The following DROSHA variants were observed in gnomAD, a reference collection of about 807,000 sequenced individuals.
DROSHA encodes the protein ribonuclease 3.
In DROSHA, 56 loss-of-function variants were observed where a neutral mutation model predicts 181.9. The observed-to-expected ratio is 0.31, with a 90% CI of 0.25 to 0.38. DROSHA has a LOEUF of 0.38. Among genes scored for constraint, DROSHA ranks in the 10% least tolerant of loss-of-function variants. The probability of loss-of-function intolerance (pLI) is 1.00; values close to 1 mark genes in which losing one functional copy is unlikely to be tolerated. For missense variants in DROSHA, 1,218 were observed against 1,743.5 expected, an observed-to-expected ratio of 0.70 and a Z score of 5.37; for synonymous variants, 524 against 591.2, an observed-to-expected ratio of 0.89 and a Z score of 1.65.
chr5:31,466,685 A>G (rs1749051150), intron 18 of DROSHA, among the ~76,000 whole-genome samples: 1 of 152,162 alleles, frequency 6.6e-6, no homozygotes, highest in African/African-American at 2.4e-5. Flanking sequence ...CCTTAGGGAG[A>G]CTGTCAGTTG....
chr5:31,418,048 T>A (rs940693661), intron 30 of DROSHA, among the ~76,000 whole-genome samples: 1 of 152,126 alleles, frequency 6.6e-6, no homozygotes, highest in South Asian at 2.1e-4. Context: ...TTAGGATACA[T>A]CCAGGAGACA....
At chr5:31,424,393 T>C (rs561372899) in intron 28 of DROSHA, 34 bp downstream of exon 28, 4 of 1,587,080 alleles carry the variant, frequency 2.5e-6, no homozygotes, top group Non-Finnish European at 1.7e-6. Context: ...GCTGGAGTTA[T>C]AAAGCTCACT....
At chr5:31,492,856 C>T (rs1752573206) in intron 13 of DROSHA, among the ~76,000 whole-genome samples, 1 of 152,240 alleles carries the variant, frequency 6.6e-6, no homozygotes, top group Non-Finnish European at 1.5e-5. Flanking sequence ...AGAGACTAAA[C>T]AATGGCTTCT....
At chr5:31,420,080 GACATCTAA>G (rs1232320159) in intron 30 of DROSHA, among the ~76,000 whole-genome samples, 1 of 152,120 alleles carries the variant, frequency 6.6e-6, no homozygotes, top group African/African-American at 2.4e-5. Context: ...ACTGAAAAAT[GACATCTAA>G]ACAGCCAAGT....
intron 25 of DROSHA, among the ~76,000 whole-genome samples, chr5:31,432,191 G>A (rs1330500906): frequency 1.3e-5 from 2 of 151,846 alleles, no homozygotes; most frequent in East Asian, 1.9e-4. Context: ...GAGTGCAGTG[G>A]TATGATCTTG....
In DROSHA at chr5:31,470,231, A is replaced by C. The variant is rs1206744212; in HGVS notation, c.2241+1832T>G. On this transcript the variant is annotated intron_variant, in intron 17 of 35. Transcript: ENST00000344624. The surrounding 1 kb of genome is among the most constrained non-coding windows in gnomAD (Gnocchi z 4.0). ...ACAGCATCTCAAGGATGCACAGTTA[A>C]TCATGCCAATAATTTCTACAATTTC... 1.3e-5 allele frequency among the ~76,000 whole-genome samples: 2 copies of C among 152,218 alleles called. No homozygotes were observed. The highest frequency in any genetic ancestry group is 4.8e-5 in the African/African-American group (2 of 41,462).
chr5:31,506,245 C>T (rs1737924227), intron 10 of DROSHA, among the ~76,000 whole-genome samples: 2 of 150,594 alleles, frequency 1.3e-5, no homozygotes, highest in Non-Finnish European at 3.0e-5. Flanking sequence ...GCCTGTAATC[C>T]CAGCTACTCA....
chr5:31,501,215 T>C (rs1202982256), intron 11 of DROSHA, among the ~76,000 whole-genome samples: 1 of 152,118 alleles, frequency 6.6e-6, no homozygotes, highest in South Asian at 2.1e-4. Context: ...ACTTGGAGAC[T>C]GGATACATCA....
intron 19 of DROSHA, among the ~76,000 whole-genome samples, 176 bp downstream of exon 19, chr5:31,466,006 A>T (rs1748957388): frequency 6.6e-6 from 1 of 152,216 alleles, no homozygotes; most frequent in Non-Finnish European, 1.5e-5. Context: ...TCTCTTAAAT[A>T]TTAAAAGATT....
At chr5:31,416,407 A>G (rs145645122) in intron 30 of DROSHA, among the ~76,000 whole-genome samples, 1 of 152,324 alleles carries the variant, frequency 6.6e-6, no homozygotes, top group African/African-American at 2.4e-5. Flanking sequence ...CTGAGGGCCT[A>G]TCATATGCCA....
intron 8 of DROSHA, among the ~76,000 whole-genome samples, chr5:31,513,841 A>C (rs758065972): frequency 1.3e-5 from 2 of 152,248 alleles, no homozygotes; most frequent in Non-Finnish European, 2.9e-5. Flanking sequence ...ATCAATGAAC[A>C]TTACAACATG....
At chr5:31,451,079 G>A (rs2150015317) in intron 21 of DROSHA, among the ~76,000 whole-genome samples, 1 of 152,262 alleles carries the variant, frequency 6.6e-6, no homozygotes, top group African/African-American at 2.4e-5. Context: ...GCGGGCGCCT[G>A]TAATTCCAGC....
At chr5:31,424,054 A>C (rs1743132710) in intron 28 of DROSHA, among the ~76,000 whole-genome samples, 1 of 152,184 alleles carries the variant, frequency 6.6e-6, no homozygotes, top group Admixed American at 6.5e-5. Context: ...GTATGCTCAG[A>C]CTCGCTTCCA....
intron 10 of DROSHA, among the ~76,000 whole-genome samples, chr5:31,505,220 A>C (rs1351544987): frequency 1.3e-5 from 2 of 152,204 alleles, no homozygotes; most frequent in African/African-American, 2.4e-5. Flanking sequence ...AAACCTCTGG[A>C]ACGGATGAGT....
intron 3 of DROSHA, 146 bp downstream of exon 3, chr5:31,530,652 T>A (rs896789442): frequency 4.0e-4 from 77 of 192,094 alleles, no homozygotes; most frequent in African/African-American, 1.4e-3. Flanking sequence ...AAAAAAAAAA[T>A]CTCCCAACGT....
At chr5:31,503,454 C>T (rs1737537343) in intron 11 of DROSHA, among the ~76,000 whole-genome samples, 1 of 152,136 alleles carries the variant, frequency 6.6e-6, no homozygotes, top group Admixed American at 6.5e-5. Context: ...GGCCTGCTGT[C>T]CAAATGTGCA....
intron 35 of DROSHA, among the ~76,000 whole-genome samples, chr5:31,403,205 T>C (rs1349299304): frequency 1.3e-5 from 2 of 152,188 alleles, no homozygotes; most frequent in Non-Finnish European, 2.9e-5. Flanking sequence ...TTTTCAAAAA[T>C]AAACAAACCC....
chr5:31,483,135 C>T (rs1206991768), intron 16 of DROSHA, among the ~76,000 whole-genome samples: 1 of 151,902 alleles, frequency 6.6e-6, no homozygotes, highest in African/African-American at 2.4e-5. Context: ...AAGCACATGT[C>T]AAAAGATAAG....
intron 20 of DROSHA, among the ~76,000 whole-genome samples, chr5:31,458,528 T>A (rs1436534810): frequency 1.3e-5 from 2 of 152,188 alleles, no homozygotes; most frequent in Admixed American, 1.3e-4. Flanking sequence ...TGGGTCTACA[T>A]AACGATCCAT....
Sources: gnomAD v4.1 joint callset for allele counts (sites outside exome capture counted in the v4.1 genomes callset) on GRCh38, gnomAD v4.1.1 for gene constraint, Gnocchi (gnomAD v3.1) non-coding constraint, MANE v1.5 for transcripts, NCBI Gene and HGNC (gene_info 2026-07-23, HGNC 2026-07-21) for gene names.